PTPRT: variants seen among roughly 807,000 people sequenced by gnomAD.
PTPRT encodes the protein protein tyrosine phosphatase receptor type T, also known as receptor-type tyrosine-protein phosphatase T.
PTPRT carries 56 observed loss-of-function variants against 176.8 expected under a neutral mutation model. That is an observed-to-expected ratio of 0.32 (90% CI 0.26 to 0.40). The LOEUF (loss-of-function observed/expected upper bound fraction) is 0.40, where lower values mean the gene tolerates loss of function less well. PTPRT is among the 10% of genes least tolerant of loss of function. The pLI is 1.00. For missense variants in PTPRT, 1,540 were observed against 1,908.2 expected (o/e 0.81, Z 3.60); for synonymous variants, 783 against 739.0 (o/e 1.06, Z -0.96).
In PTPRT at chr20:43,169,890, C is replaced by T. The variant is rs866558615; in HGVS notation, c.88+19756G>A. 1.2e-4 allele frequency among the ~76,000 whole-genome samples: 18 copies of T among 152,092 alleles called. No homozygotes were observed. The South Asian group carries it at 3.1e-3, about 26-fold the overall frequency. ...ACTGAAGGAGAGACTAAGGGCTCTC[C>T]TCTGGAGGAAAAAACAAGAGCTTTG... On this transcript the variant is annotated intron_variant, in intron 1 of 30. Coordinates refer to ENST00000373187, the MANE Select transcript of PTPRT (RefSeq NM_007050.6).
chr20:42,585,252 C>T lies in PTPRT; in HGVS notation c.1153+92614G>A, dbSNP rs77488954. Among the ~76,000 whole-genome samples the T allele has an allele frequency of 3.3e-3, 505 of 152,232 alleles. 12 individuals are homozygous for T. In the South Asian group the frequency reaches 0.038, roughly 12 times the overall value. On this transcript the variant is annotated intron_variant, in intron 7 of 30. Transcript: ENST00000373187. ...GATAGAGTCTAGGATATAAGAGATA[C>T]ATGATAAATATTTGTAGAAAGAATG...
intron 1 of PTPRT, among the ~76,000 whole-genome samples, chr20:43,044,612 G>A (rs1309011903): frequency 6.6e-6 from 1 of 152,132 alleles, no homozygotes; most frequent in Non-Finnish European, 1.5e-5. Context: ...CCTTGTTACT[G>A]AGGCAGCCCC....
chr20:42,430,097 G>A (rs536347634), intron 9 of PTPRT, among the ~76,000 whole-genome samples: 156 of 152,278 alleles, frequency 1.0e-3, no homozygotes, highest in Admixed American at 2.0e-3. Flanking sequence ...AAATGATTTT[G>A]GTCTCTTCAG....
intron 7 of PTPRT, among the ~76,000 whole-genome samples, chr20:42,576,882 T>C (rs2073271133): frequency 1.3e-5 from 2 of 152,206 alleles, no homozygotes; most frequent in South Asian, 4.1e-4. Flanking sequence ...AACTAGCTGC[T>C]TCATCCACAG....
At chr20:42,731,320 T>A (rs957320458) in intron 6 of PTPRT, among the ~76,000 whole-genome samples, 1 of 152,176 alleles carries the variant, frequency 6.6e-6, no homozygotes, top group Admixed American at 6.5e-5. Flanking sequence ...TACAGAAGGA[T>A]CCACTTGTCA....
At chr20:42,679,160 G>C (rs1299806653) in intron 6 of PTPRT, among the ~76,000 whole-genome samples, 1 of 152,164 alleles carries the variant, frequency 6.6e-6, no homozygotes, top group African/African-American at 2.4e-5. Context: ...TTGGATTGTA[G>C]CCTCTTCCTT....
chr20:42,777,014 C>G (rs1309397831), intron 4 of PTPRT, among the ~76,000 whole-genome samples: 1 of 152,110 alleles, frequency 6.6e-6, no homozygotes, highest in African/African-American at 2.4e-5. Flanking sequence ...ATGGAGCTCA[C>G]GCTCAGTAAA....
intron 1 of PTPRT, among the ~76,000 whole-genome samples, chr20:43,129,163 A>G (rs2013557102): frequency 6.6e-6 from 1 of 152,124 alleles, no homozygotes; most frequent in South Asian, 2.1e-4. Flanking sequence ...GACTCTGCCC[A>G]AGGGGGTGTA....
intron 15 of PTPRT, among the ~76,000 whole-genome samples, chr20:42,215,333 G>A (rs907103582): frequency 9.9e-5 from 15 of 152,094 alleles, no homozygotes; most frequent in African/African-American, 3.4e-4. Flanking sequence ...CAATTTCCTC[G>A]TCTATAGAAT....
At chr20:42,311,431 T>C (rs1246713057) in intron 12 of PTPRT, among the ~76,000 whole-genome samples, 5 of 152,174 alleles carry the variant, frequency 3.3e-5, no homozygotes, top group African/African-American at 1.2e-4. Context: ...GACCTCAGAA[T>C]TCTCCTACCC....
At chr20:43,001,986 C>G (rs557539216) in intron 1 of PTPRT, among the ~76,000 whole-genome samples, 1 of 152,128 alleles carries the variant, frequency 6.6e-6, no homozygotes, top group East Asian at 1.9e-4. Context: ...AATTGCAATC[C>G]CCAGGTGTTG....
At chr20:43,182,064 T>G (rs987259685) in intron 1 of PTPRT, among the ~76,000 whole-genome samples, 1 of 152,170 alleles carries the variant, frequency 6.6e-6, no homozygotes, top group Admixed American at 6.5e-5. Context: ...AAAGTCCTGC[T>G]TGCTGATGTG....
At chr20:42,295,933 C>T (rs1276724136) in intron 12 of PTPRT, among the ~76,000 whole-genome samples, 1 of 152,206 alleles carries the variant, frequency 6.6e-6, no homozygotes, top group East Asian at 1.9e-4. Context: ...GACATGTTTG[C>T]TTCTCCTTCC....
chr20:42,038,224 A>AT, the PTPRT span, among the ~76,000 whole-genome samples: 10 of 152,302 alleles, frequency 6.6e-5, no homozygotes. Context: ...GGTAGACATT[A>AT]TTTTATAAAT....
chr20:43,147,932 T>C (rs2014220402), intron 1 of PTPRT, among the ~76,000 whole-genome samples: 1 of 152,150 alleles, frequency 6.6e-6, no homozygotes, highest in East Asian at 1.9e-4. Flanking sequence ...ATTTGACCCA[T>C]CTAGATTCTT....
intron 1 of PTPRT, among the ~76,000 whole-genome samples, chr20:42,938,859 A>T (rs1248455505): frequency 6.6e-6 from 1 of 152,240 alleles, no homozygotes; most frequent in African/African-American, 2.4e-5. Context: ...AGTTTGGAAT[A>T]AAAAAGGAAG....
At chr20:43,080,379 T>C (rs2011407467) in intron 1 of PTPRT, among the ~76,000 whole-genome samples, 1 of 152,226 alleles carries the variant, frequency 6.6e-6, no homozygotes. Context: ...TTTGTTATCA[T>C]AAGCCACTGA....
At chr20:42,667,695 T>G (rs558835101) in intron 7 of PTPRT, among the ~76,000 whole-genome samples, 2 of 152,330 alleles carry the variant, frequency 1.3e-5, no homozygotes, top group East Asian at 3.9e-4. Context: ...TTTAGTTGCT[T>G]GCTGCTTGCG....
intron 7 of PTPRT, among the ~76,000 whole-genome samples, chr20:42,639,476 A>G (rs1034974192): frequency 1.3e-5 from 2 of 152,064 alleles, no homozygotes; most frequent in Non-Finnish European, 2.9e-5. Flanking sequence ...CTCTCTCCGC[A>G]ATTCCCAGAG....
Sources: gnomAD v4.1 joint callset for allele counts (sites outside exome capture counted in the v4.1 genomes callset) on GRCh38, gnomAD v4.1.1 for gene constraint, MANE v1.5 for transcripts, NCBI Gene and HGNC (gene_info 2026-07-23, HGNC 2026-07-21) for gene names.